The following FKBP1B variants were observed in gnomAD, a reference collection of about 807,000 sequenced individuals.
The protein encoded by FKBP1B is peptidyl-prolyl cis-trans isomerase FKBP1B.
Under a neutral mutation model 13.5 loss-of-function variants are expected in FKBP1B, and 4 were observed. The ratio of observed to expected loss-of-function variants is 0.30; its 90% CI spans 0.15 to 0.68. The LOEUF is 0.68. Among genes scored for constraint, FKBP1B ranks in the 30% least tolerant of loss-of-function variants. The pLI, the probability that FKBP1B is intolerant of heterozygous loss-of-function variation, is 0.76. For missense variants in FKBP1B, 93 were observed against 136.2 expected, an observed-to-expected ratio of 0.68 and a Z score of 1.58; for synonymous variants, 54 against 53.6, an observed-to-expected ratio of 1.01 and a Z score of -0.03.
chr2:24,053,861 C>T (rs1663993449), intron 1 of FKBP1B, 41 bp from the exon 2 acceptor site: 31 of 1,601,458 alleles, frequency 1.9e-5, no homozygotes, highest in Non-Finnish European at 2.7e-5. Context: ...GGTGTTTTTC[C>T]AATATCCTAC....
At chr2:24,057,283 C>T (rs963896769) in intron 2 of FKBP1B, among the ~76,000 whole-genome samples, 2 of 151,982 alleles carry the variant, frequency 1.3e-5, no homozygotes, top group Non-Finnish European at 2.9e-5. Flanking sequence ...GCAGCCTTGA[C>T]CTCCTGGGTT....
intron 2 of FKBP1B, 81 bp downstream of exon 2, chr2:24,054,030 C>T (rs1664005421): frequency 1.5e-6 from 2 of 1,367,978 alleles, no homozygotes; most frequent in African/African-American, 1.4e-5. Context: ...TCCAGAGGTG[C>T]CTGCCTCTGG....
chr2:24,054,168 G>GT, intron 2 of FKBP1B: 1 of 706,212 alleles, frequency 1.4e-6, no homozygotes, highest in Admixed American at 2.1e-5. Flanking sequence ...TACCAGCAAG[G>GT]GCCATCCATG....
At chr2:24,047,146 T>G (rs1289511515), upstream of FKBP1B, among the ~76,000 whole-genome samples, 1 of 151,762 alleles carries the variant, frequency 6.6e-6, no homozygotes, top group Non-Finnish European at 1.5e-5. Flanking sequence ...AGCTCGATCC[T>G]CATCCCGCGA....
At chr2:24,053,328 T>C (rs1008267361) in intron 1 of FKBP1B, among the ~76,000 whole-genome samples, 1 of 145,200 alleles carries the variant, frequency 6.9e-6, no homozygotes, top group Non-Finnish European at 1.5e-5. Flanking sequence ...GGGGTCTCCC[T>C]ATGTTACCCA....
the FKBP1B span, among the ~76,000 whole-genome samples, chr2:24,040,418 C>T: frequency 4.7e-4 from 71 of 152,276 alleles, no homozygotes; most frequent in Non-Finnish European, 9.3e-4. Context: ...TCTATTCGTC[C>T]TTTCACTGCC....
At chr2:24,039,672 C>T in the FKBP1B span, among the ~76,000 whole-genome samples, 1 of 152,178 alleles carries the variant, frequency 6.6e-6, no homozygotes, top group African/African-American at 2.4e-5. Flanking sequence ...ACTGAGCTAT[C>T]AGGCAAATGC....
At chr2:24,051,543 AAC>A (rs1383453194) in intron 1 of FKBP1B, among the ~76,000 whole-genome samples, 1 of 152,148 alleles carries the variant, frequency 6.6e-6, no homozygotes, top group Non-Finnish European at 1.5e-5. Flanking sequence ...CAAGTTGTCA[AAC>A]ACACCACTCG....
chr2:24,043,276 C>T, the FKBP1B span, among the ~76,000 whole-genome samples: 1 of 152,134 alleles, frequency 6.6e-6, no homozygotes, highest in Admixed American at 6.5e-5. Flanking sequence ...GCAGATGTTA[C>T]GGTAAGCCAA....
chr2:24,055,040 C>T (rs930298018), intron 2 of FKBP1B, among the ~76,000 whole-genome samples: 1 of 152,022 alleles, frequency 6.6e-6, no homozygotes. Flanking sequence ...TGTAAGATGT[C>T]TAGGTCAATG....
Position 24,060,919 on chromosome 2 carries a change from C to T in FKBP1B, c.191C>T (p.Ala64Val). 6.2e-7 allele frequency: 1 copy of T among 1,612,834 alleles called. No individual in the cohort carries two copies. The highest frequency in any genetic ancestry group is 8.5e-7 in the Non-Finnish European group (1 of 1,178,822). ...QEVIKGFEEGAAQMSLGQRAK... is the reference protein window; with the variant it reads ...QEVIKGFEEGVAQMSLGQRAK... ...GTCATCAAAGGTTTTGAAGAGGGTG[C>T]AGCCCAGGTAGGATGAGGATTCGCA... The change falls in exon 3 of 4, where the codon GCA becomes GTA. Residue 64 changes from alanine to valine, a missense_variant. Transcript: ENST00000380986.
At chr2:24,035,872 C>T in the FKBP1B span, among the ~76,000 whole-genome samples, 1 of 151,654 alleles carries the variant, frequency 6.6e-6, no homozygotes, top group African/African-American at 2.4e-5. Flanking sequence ...AGATTGAGCT[C>T]ATCCTGGCCA....
At position 24,063,308 on chromosome 2, in the gene FKBP1B, C is replaced by G; in HGVS notation, c.*116C>G. The G allele has an allele frequency of 1.0e-6, 1 of 957,280 alleles. No homozygotes were observed. The highest frequency in any genetic ancestry group is 3.2e-4 in the Middle Eastern group (1 of 3,170). The allele number at this position is 957,280 out of a possible 1,614,324, so 59.3% of individuals were successfully genotyped here. Reference sequence around the variant, plus strand: ...CTTGATCAGTGTGCTAACCTCACTGCCTCATGGCATCATCCATTCTCTCTG... The same window carrying G: ...CTTGATCAGTGTGCTAACCTCACTGGCTCATGGCATCATCCATTCTCTCTG... On this transcript the variant is annotated 3_prime_UTR_variant, in exon 4 of 4. Coordinates refer to ENST00000380986, the MANE Select transcript of FKBP1B (RefSeq NM_004116.5).
upstream of FKBP1B, among the ~76,000 whole-genome samples, chr2:24,049,051 G>A (rs1252408330): frequency 6.6e-6 from 1 of 152,120 alleles, no homozygotes; most frequent in East Asian, 1.9e-4. Context: ...CCCCAGCTCT[G>A]CTCCTACAGA....
At chr2:24,040,634 T>C in the FKBP1B span, among the ~76,000 whole-genome samples, 1 of 152,268 alleles carries the variant, frequency 6.6e-6, no homozygotes, top group Non-Finnish European at 1.5e-5. Context: ...CAATAATCTT[T>C]TAAAATAATG....
chr2:24,049,732 T>C, upstream of FKBP1B: 1 of 798,792 alleles, frequency 1.3e-6, no homozygotes, highest in Non-Finnish European at 1.7e-6. Context: ...CCGCACCTCC[T>C]CCGGCTCTGC....
intron 2 of FKBP1B, among the ~76,000 whole-genome samples, chr2:24,059,740 A>G (rs1306372673): frequency 6.6e-6 from 1 of 151,732 alleles, no homozygotes; most frequent in African/African-American, 2.4e-5. Context: ...CTAAAAATAT[A>G]AAAAAATTAG....
intron 2 of FKBP1B, among the ~76,000 whole-genome samples, chr2:24,059,164 A>G (rs1021409814): frequency 4.6e-5 from 7 of 152,170 alleles, no homozygotes; most frequent in Non-Finnish European, 8.8e-5. Context: ...TCTAGTCCCA[A>G]ATGGCCTTTT....
At chr2:24,062,061 G>C (rs995959336) in intron 3 of FKBP1B, among the ~76,000 whole-genome samples, 1 of 152,016 alleles carries the variant, frequency 6.6e-6, no homozygotes, top group Non-Finnish European at 1.5e-5. Context: ...TAGTAGAGAC[G>C]GGGTTTCACC....
Sources: allele counts gnomAD v4.1 joint callset (sites outside exome capture counted in the v4.1 genomes callset), GRCh38; gene constraint gnomAD v4.1.1; transcripts MANE v1.5; gene names NCBI Gene and HGNC (gene_info 2026-07-23, HGNC 2026-07-21).